The following SGCZ variants were observed in gnomAD, a reference collection of about 807,000 sequenced individuals.
SGCZ encodes zeta-sarcoglycan.
Under a neutral mutation model 41.3 loss-of-function variants are expected in SGCZ, and 40 were observed. The observed-to-expected ratio is 0.97, with a 90% CI of 0.75 to 1.26. The LOEUF (loss-of-function observed/expected upper bound fraction) is 1.26, where lower values mean the gene tolerates loss of function less well. Among genes scored for constraint, SGCZ ranks in the 50% most tolerant of loss-of-function variants. SGCZ has a pLI of 0.00. For missense variants in SGCZ, 552 were observed against 369.8 expected (o/e 1.49, Z -4.04); for synonymous variants, 206 against 137.5 (o/e 1.50, Z -3.49).
intron 1 of SGCZ, among the ~76,000 whole-genome samples, chr8:14,805,835 C>G (rs9650379): frequency 5.9e-5 from 9 of 151,298 alleles, no homozygotes; most frequent in South Asian, 2.1e-4. Flanking sequence ...TGGAAGTAAA[C>G]CTCTCCTCAG....
chr8:14,825,923 A>G (rs1802291903), intron 1 of SGCZ, among the ~76,000 whole-genome samples: 1 of 152,036 alleles, frequency 6.6e-6, no homozygotes, highest in East Asian at 1.9e-4. Flanking sequence ...TTGTATACAC[A>G]TATCTTTCTT....
In SGCZ at chr8:14,449,454, G is replaced by A. The variant is rs186916296; in HGVS notation, c.234+105278C>T. Among the ~76,000 whole-genome samples the A allele has an allele frequency of 1.4e-3, 215 of 152,240 alleles. 3 individuals carry two copies. Among genetic ancestry groups the A allele is most frequent in the African/African-American group, 4.7e-3 (197 of 41,548 alleles). ...TGGGATGAAAGCATGCCTTCAGTTTGTACTTCTATCATGCCCATTGCTACC... is the reference window on the plus strand; with the variant it reads ...TGGGATGAAAGCATGCCTTCAGTTTATACTTCTATCATGCCCATTGCTACC... On this transcript the variant is annotated intron_variant, in intron 2 of 7. Transcript: ENST00000382080.
At chr8:14,710,736 C>A (rs920191724) in intron 1 of SGCZ, among the ~76,000 whole-genome samples, 8 of 151,800 alleles carry the variant, frequency 5.3e-5, no homozygotes, top group Non-Finnish European at 1.0e-4. Context: ...TTTTATAGAA[C>A]CAAAAAAATA....
At chr8:15,148,679 C>G (rs1457220) in intron 1 of SGCZ, among the ~76,000 whole-genome samples, 1 of 152,128 alleles carries the variant, frequency 6.6e-6, no homozygotes, top group East Asian at 1.9e-4. Context: ...GATGCTTCAC[C>G]CTTTCAAGTT....
At chr8:14,795,433 T>G (rs1392952531) in intron 1 of SGCZ, among the ~76,000 whole-genome samples, 1 of 152,084 alleles carries the variant, frequency 6.6e-6, no homozygotes, top group African/African-American at 2.4e-5. Context: ...TTGGGGTTTT[T>G]TTTTCATTTG....
intron 3 of SGCZ, among the ~76,000 whole-genome samples, chr8:14,320,458 T>A (rs1801881199): frequency 6.6e-6 from 1 of 150,710 alleles, no homozygotes; most frequent in African/African-American, 2.4e-5. Flanking sequence ...TTATTATTAC[T>A]ATTATTATTA....
chr8:14,664,425 T>A (rs1807843690), intron 1 of SGCZ, among the ~76,000 whole-genome samples: 1 of 152,156 alleles, frequency 6.6e-6, no homozygotes. Context: ...ATGAAAGAAA[T>A]ACCAATATTT....
chr8:14,484,747 T>C (rs894944084), intron 2 of SGCZ, among the ~76,000 whole-genome samples: 4 of 152,206 alleles, frequency 2.6e-5, no homozygotes, highest in African/African-American at 7.2e-5. Context: ...ATCTAAAATG[T>C]TTCTGTCATT....
intron 1 of SGCZ, among the ~76,000 whole-genome samples, chr8:14,618,774 G>T (rs1000149642): frequency 3.3e-5 from 5 of 152,128 alleles, no homozygotes; most frequent in Admixed American, 2.0e-4. Context: ...CATGTGAAAT[G>T]AACAGAGTAT....
At chr8:14,168,771 T>G (rs1804286314) in intron 4 of SGCZ, among the ~76,000 whole-genome samples, 1 of 152,204 alleles carries the variant, frequency 6.6e-6, no homozygotes, top group South Asian at 2.1e-4. Flanking sequence ...GTGCAACATT[T>G]GCAGAAAATC....
chr8:14,379,727 T>C (rs1401131010), intron 2 of SGCZ, among the ~76,000 whole-genome samples: 1 of 151,902 alleles, frequency 6.6e-6, no homozygotes, highest in Non-Finnish European at 1.5e-5. Context: ...ATTGAAATTA[T>C]ATATATATAC....
At chr8:14,651,241 C>A (rs539504686) in intron 1 of SGCZ, among the ~76,000 whole-genome samples, 1 of 152,036 alleles carries the variant, frequency 6.6e-6, no homozygotes, top group African/African-American at 2.4e-5. Flanking sequence ...AAATTTAATC[C>A]TCCTTATGCA....
chr8:14,785,132 G>T (rs904796700), intron 1 of SGCZ, among the ~76,000 whole-genome samples: 6 of 150,576 alleles, frequency 4.0e-5, no homozygotes, highest in African/African-American at 1.5e-4. Context: ...ATATCATTTT[G>T]CCAGAGATTA....
chr8:14,661,401 A>G (rs1394582715), intron 1 of SGCZ, among the ~76,000 whole-genome samples: 1 of 152,206 alleles, frequency 6.6e-6, no homozygotes, highest in South Asian at 2.1e-4. Context: ...GTGTATTTTT[A>G]TTATGATTTT....
At chr8:15,002,768 T>C (rs1361669416) in intron 1 of SGCZ, among the ~76,000 whole-genome samples, 1 of 152,228 alleles carries the variant, frequency 6.6e-6, no homozygotes, top group Non-Finnish European at 1.5e-5. Flanking sequence ...TAACTCAGAA[T>C]AATTGCTATG....
chr8:14,684,044 A>G (rs1359437974), intron 1 of SGCZ, among the ~76,000 whole-genome samples: 1 of 152,186 alleles, frequency 6.6e-6, no homozygotes, highest in Non-Finnish European at 1.5e-5. Context: ...GGTTTATGGT[A>G]TACAGTCCTA....
At chr8:14,361,452 T>C (rs1803508703) in intron 2 of SGCZ, among the ~76,000 whole-genome samples, 1 of 152,350 alleles carries the variant, frequency 6.6e-6, no homozygotes, top group Non-Finnish European at 1.5e-5. Context: ...CTGATATCCT[T>C]TCTTCTGCTT....
intron 4 of SGCZ, among the ~76,000 whole-genome samples, chr8:14,172,647 G>A (rs185332287): frequency 2.0e-4 from 31 of 152,224 alleles, no homozygotes; most frequent in African/African-American, 7.5e-4. Flanking sequence ...GAAATACAAC[G>A]TGTACTCCAC....
chr8:15,187,062 C>A, intron 1 of SGCZ, among the ~76,000 whole-genome samples: 1 of 152,188 alleles, frequency 6.6e-6, no homozygotes, highest in East Asian at 1.9e-4. Context: ...ATAAATCAGC[C>A]AACAAGAAGT....
Sources: allele counts gnomAD v4.1 joint callset (sites outside exome capture counted in the v4.1 genomes callset), GRCh38; gene constraint gnomAD v4.1.1; transcripts MANE v1.5; gene names NCBI Gene and HGNC (gene_info 2026-07-23, HGNC 2026-07-21).